IGF2BP3: variants seen among roughly 807,000 people sequenced by gnomAD.
IGF2BP3 encodes the protein insulin-like growth factor 2 mRNA-binding protein 3.
IGF2BP3 carries 9 observed loss-of-function variants against 73.8 expected under a neutral mutation model. The ratio of observed to expected loss-of-function variants is 0.12; its 90% CI spans 0.07 to 0.21. The LOEUF is 0.21. Ranked by LOEUF, IGF2BP3 falls within the 10% of genes least tolerant of loss-of-function variation. The pLI is 1.00. For missense variants in IGF2BP3, 542 were observed against 714.0 expected, an observed-to-expected ratio of 0.76 and a Z score of 2.75; for synonymous variants, 258 against 256.7, an observed-to-expected ratio of 1.01 and a Z score of -0.05.
rs1788680380 is a variant in IGF2BP3 at position 23,470,099 on chromosome 7, C to T, written c.12G>A (p.Leu4=). 5.0e-6 allele frequency: 8 copies of T among 1,604,554 alleles called. No homozygotes were observed. Among genetic ancestry groups the T allele is most frequent in the Non-Finnish European group, 6.8e-6 (8 of 1,177,254 alleles). ...CGTTCTCGCTGAGGTTTCCGATATA[C>T]AGTTTGTTCATTGTGAAGAGTGGTT... MNK[L]YIGNLSENAA... The change falls in exon 1 of 15, where the codon CTG becomes CTA. Residue 4 remains leucine (L), a synonymous_variant. Coordinates refer to ENST00000258729, the MANE Select transcript of IGF2BP3 (RefSeq NM_006547.3).
At chr7:23,352,775 CT>C (rs1784999163) in intron 5 of IGF2BP3, among the ~76,000 whole-genome samples, 1 of 152,100 alleles carries the variant, frequency 6.6e-6, no homozygotes, top group Non-Finnish European at 1.5e-5. Context: ...TTGCAGACTT[CT>C]AATACCATAG....
At chr7:23,469,000 G>C (rs967210704) in intron 1 of IGF2BP3, among the ~76,000 whole-genome samples, 40 of 152,230 alleles carry the variant, frequency 2.6e-4, no homozygotes, top group African/African-American at 8.9e-4. Flanking sequence ...AGGAAGACAG[G>C]GAGTGGCGAG....
At chr7:23,364,884 G>A (rs904278719) in intron 3 of IGF2BP3, among the ~76,000 whole-genome samples, 3 of 151,454 alleles carry the variant, frequency 2.0e-5, no homozygotes, top group Non-Finnish European at 4.4e-5. Flanking sequence ...ATAGCTTTTA[G>A]GACCAGACAC....
chr7:23,353,511 C>T (rs1204991625), intron 5 of IGF2BP3, among the ~76,000 whole-genome samples: 2 of 152,154 alleles, frequency 1.3e-5, no homozygotes, highest in Admixed American at 6.5e-5. Flanking sequence ...GCTCTGGCAC[C>T]GTCACCAACC....
intron 10 of IGF2BP3, among the ~76,000 whole-genome samples, chr7:23,331,504 G>A (rs570610347): frequency 6.6e-6 from 1 of 152,252 alleles, no homozygotes; most frequent in African/African-American, 2.4e-5. Context: ...ATGAGACAGA[G>A]TGAGACTCTG....
intron 10 of IGF2BP3, among the ~76,000 whole-genome samples, chr7:23,336,904 C>T (rs1429808662): frequency 5.9e-5 from 9 of 151,646 alleles, no homozygotes; most frequent in Middle Eastern, 6.8e-3. Context: ...ACCGAGATTG[C>T]GCCACCACAC....
intron 2 of IGF2BP3, among the ~76,000 whole-genome samples, chr7:23,439,774 C>T (rs1158077265): frequency 1.3e-5 from 2 of 152,040 alleles, no homozygotes; most frequent in Middle Eastern, 3.2e-3. Context: ...AAACATTTAA[C>T]ATAAACAAAG....
chr7:23,345,803 G>C (rs1784814560), intron 8 of IGF2BP3, 137 bp downstream of exon 8: 2 of 996,992 alleles, frequency 2.0e-6, no homozygotes, highest in African/African-American at 3.2e-5. Flanking sequence ...GCAGCAAGCT[G>C]TATTTGAGAA....
At chr7:23,439,609 G>C (rs556856509) in intron 2 of IGF2BP3, among the ~76,000 whole-genome samples, 3 of 145,684 alleles carry the variant, frequency 2.1e-5, no homozygotes, top group Non-Finnish European at 4.5e-5. Flanking sequence ...TTATGATAAT[G>C]TAGGTTGTGA....
At chr7:23,347,277 G>C (rs1425032360) in intron 7 of IGF2BP3, among the ~76,000 whole-genome samples, 1 of 152,176 alleles carries the variant, frequency 6.6e-6, no homozygotes, top group East Asian at 1.9e-4. Flanking sequence ...TGAGCTCCGA[G>C]TAAAGGATGA....
intron 2 of IGF2BP3, among the ~76,000 whole-genome samples, chr7:23,456,772 A>G (rs1788329573): frequency 6.6e-6 from 1 of 152,230 alleles, no homozygotes; most frequent in Non-Finnish European, 1.5e-5. Flanking sequence ...TTTTGAGGCC[A>G]GGCGCAGTGG....
At position 23,364,599 on chromosome 7, in the gene IGF2BP3, G is replaced by A. The variant is rs561008426; in HGVS notation, c.286-2858C>T. ...GGGAGGTTGGGGGGTGGGGGGTGGC[G>A]GTGCAGTGGGCAACCTACTTATTTT... On this transcript the variant is annotated intron_variant, in intron 3 of 14. Transcript: ENST00000258729. Among the ~76,000 whole-genome samples, 17 of 149,406 alleles carry A rather than the reference G, an allele frequency of 1.1e-4. 1 individual carries two copies. The highest frequency in any genetic ancestry group is 6.0e-4 in the Admixed American group (9 of 14,948).
intron 10 of IGF2BP3, among the ~76,000 whole-genome samples, chr7:23,336,925 G>C (rs960339931): frequency 6.6e-6 from 1 of 151,732 alleles, no homozygotes; most frequent in Non-Finnish European, 1.5e-5. Flanking sequence ...TCCACCCTGG[G>C]TGACAGGGCA....
At chr7:23,350,136 T>G (rs1469231446) in intron 6 of IGF2BP3, among the ~76,000 whole-genome samples, 1 of 152,188 alleles carries the variant, frequency 6.6e-6, no homozygotes, top group Non-Finnish European at 1.5e-5. Flanking sequence ...TGGTTCTACA[T>G]GAGAAATGGG....
intron 3 of IGF2BP3, among the ~76,000 whole-genome samples, chr7:23,408,588 G>T (rs1194353575): frequency 6.6e-6 from 1 of 152,180 alleles, no homozygotes; most frequent in East Asian, 1.9e-4. Context: ...ATGGAAAACA[G>T]TAATGGCAAT....
chr7:23,320,391 G>C (rs1408609789), intron 10 of IGF2BP3, among the ~76,000 whole-genome samples: 1 of 152,016 alleles, frequency 6.6e-6, no homozygotes, highest in Non-Finnish European at 1.5e-5. Context: ...GGACACATTT[G>C]CTCAAGAGTT....
chr7:23,420,888 C>G (rs1787325040), intron 2 of IGF2BP3, among the ~76,000 whole-genome samples: 1 of 152,168 alleles, frequency 6.6e-6, no homozygotes, highest in Non-Finnish European at 1.5e-5. Flanking sequence ...CAAACTATAG[C>G]TAGTACAAGT....
intron 2 of IGF2BP3, among the ~76,000 whole-genome samples, chr7:23,432,315 GTCTT>G (rs1787703829): frequency 6.6e-6 from 1 of 152,146 alleles, no homozygotes; most frequent in African/African-American, 2.4e-5. Flanking sequence ...ACACTGCTAT[GTCTT>G]TCTTTTAGAA....
At chr7:23,378,722 C>G (rs939141618) in intron 3 of IGF2BP3, among the ~76,000 whole-genome samples, 2 of 151,760 alleles carry the variant, frequency 1.3e-5, no homozygotes, top group Middle Eastern at 3.2e-3. Context: ...TACAGGTGCA[C>G]GCCACCATGC....
Sources: allele counts gnomAD v4.1 joint callset (sites outside exome capture counted in the v4.1 genomes callset), GRCh38; gene constraint gnomAD v4.1.1; transcripts MANE v1.5; gene names NCBI Gene and HGNC (gene_info 2026-07-23, HGNC 2026-07-21).